Variants in ZZZ3 observed in about 807,000 individuals in gnomAD.
The protein encoded by ZZZ3 is zinc finger ZZ-type containing 3, also known as ZZ-type zinc finger-containing protein 3.
In ZZZ3, 22 loss-of-function variants were observed where a neutral mutation model predicts 95.2. That is an observed-to-expected ratio of 0.23 (90% confidence interval 0.17 to 0.33). The LOEUF (loss-of-function observed/expected upper bound fraction) is 0.33. Among genes scored for constraint, ZZZ3 ranks in the 10% least tolerant of loss-of-function variants. The probability of loss-of-function intolerance (pLI) is 1.00; values close to 1 mark genes in which losing one functional copy is unlikely to be tolerated. For synonymous variants in ZZZ3, 335 were observed against 358.9 expected, an observed-to-expected ratio of 0.93 and a Z score of 0.75; for missense variants, 885 against 1,066.5, an observed-to-expected ratio of 0.83 and a Z score of 2.37.
At chr1:77,597,629 C>T (rs1664337158) in intron 5 of ZZZ3, among the ~76,000 whole-genome samples, 1 of 151,964 alleles carries the variant, frequency 6.6e-6, no homozygotes, top group Non-Finnish European at 1.5e-5. Context: ...TTTCAAAAAC[C>T]CATAACCCCA....
intron 5 of ZZZ3, among the ~76,000 whole-genome samples, chr1:77,617,677 G>T (rs1216892822): frequency 6.6e-6 from 1 of 151,732 alleles, no homozygotes; most frequent in Non-Finnish European, 1.5e-5. Context: ...GGTGGCTCAT[G>T]CCTGTAATCC....
chr1:77,627,659 A>ACT (rs1261227684), intron 5 of ZZZ3, among the ~76,000 whole-genome samples: 1 of 152,214 alleles, frequency 6.6e-6, no homozygotes, highest in Non-Finnish European at 1.5e-5. Context: ...CTTAAACGTG[A>ACT]CTTGAAAATA....
chr1:77,653,237 T>TA (rs1669966485), intron 1 of ZZZ3, among the ~76,000 whole-genome samples: 1 of 151,788 alleles, frequency 6.6e-6, no homozygotes, highest in South Asian at 2.1e-4. Flanking sequence ...GGCAAATCCA[T>TA]AGAGACAAAA....
intron 5 of ZZZ3, among the ~76,000 whole-genome samples, chr1:77,589,860 G>A (rs539400744): frequency 6.6e-6 from 1 of 152,234 alleles, no homozygotes; most frequent in African/African-American, 2.4e-5. Context: ...GCACAGACAG[G>A]CAGACAGAAA....
At chr1:77,574,137 CATATAGATATATATAGATTTAT>C (rs1461684305) in intron 12 of ZZZ3, among the ~76,000 whole-genome samples, 36 of 147,278 alleles carry the variant, frequency 2.4e-4, no homozygotes, top group South Asian at 8.4e-4. Flanking sequence ...GATAGATTTA[CATATAGATATATATAGATTTAT>C]ATATAGATAT....
intron 1 of ZZZ3, among the ~76,000 whole-genome samples, chr1:77,679,648 C>T (rs1672572108): frequency 6.6e-6 from 1 of 152,198 alleles, no homozygotes; most frequent in Non-Finnish European, 1.5e-5. Flanking sequence ...AAGGAAAAAA[C>T]TCAAGTGAGA....
Position 77,564,626 on chromosome 1 carries a change from CACA to C in ZZZ3, c.*1011_*1013del, listed in dbSNP as rs1383626036. 6.6e-6 allele frequency: 1 copy of C among 152,562 alleles called. No homozygotes were observed. The highest frequency in any genetic ancestry group is 1.5e-5 in the Non-Finnish European group (1 of 67,998). 9.5% of individuals were successfully genotyped at this position (152,562 alleles called of 1,614,324 possible). ...AACATACAAAATGTTTTAAATGATG[CACA>C]ACAAAATCCAGCAGTATAAAAGAAT... is the stretch of plus-strand genomic sequence containing the variant. On this transcript the variant is annotated 3_prime_UTR_variant, in exon 15 of 15. Transcript: ENST00000370801.
upstream of ZZZ3, among the ~76,000 whole-genome samples, chr1:77,682,938 C>T (rs531769484): frequency 1.3e-5 from 2 of 152,190 alleles, no homozygotes; most frequent in African/African-American, 4.8e-5. Flanking sequence ...CTGCCCCAGG[C>T]AGCCTCCCTG....
chr1:77,620,183 G>A (rs1345641886), intron 5 of ZZZ3, among the ~76,000 whole-genome samples: 1 of 152,156 alleles, frequency 6.6e-6, no homozygotes, highest in East Asian at 1.9e-4. Flanking sequence ...AGGTAGAGCA[G>A]GCAGTTAGGC....
intron 1 of ZZZ3, among the ~76,000 whole-genome samples, chr1:77,657,322 C>T (rs1349819341): frequency 1.3e-5 from 2 of 152,170 alleles, no homozygotes; most frequent in African/African-American, 4.8e-5. Context: ...ACACGGAACT[C>T]ACAGTCAACA....
At position 77,632,251 on chromosome 1, in the gene ZZZ3, T is replaced by C. The variant is rs1163424818; in HGVS notation, c.1104A>G (p.Leu368=). 1.2e-6 allele frequency: 2 copies of C among 1,614,094 alleles called. No individual in the cohort carries two copies. The highest frequency in any genetic ancestry group is 1.7e-6 in the Non-Finnish European group (2 of 1,180,012). The part of the protein sequence containing the change: ...LDCVSAQMMS[L]SEPQEHRYTL... ...TATAACGATGTTCTTGAGGTTCTGA[T>C]AAAGACATCATTTGAGCTGAAACAC... The change falls in exon 5 of 15, where the codon TTA becomes TTG. Residue 368 remains leucine, a synonymous_variant. Coordinates refer to ENST00000370801, the MANE Select transcript of ZZZ3 (RefSeq NM_015534.6).
intron 8 of ZZZ3, 63 bp downstream of exon 8, chr1:77,581,704 CAAACCAGCA>C: frequency 8.0e-7 from 1 of 1,243,410 alleles, no homozygotes. Context: ...TTTAAGAACA[CAAACCAGCA>C]AAATGTTAAA....
intron 1 of ZZZ3, among the ~76,000 whole-genome samples, chr1:77,680,752 C>A (rs1164993011): frequency 6.6e-6 from 1 of 152,004 alleles, no homozygotes; most frequent in Non-Finnish European, 1.5e-5. Context: ...ACTTTTAAAA[C>A]GTCTGAAAAA....
chr1:77,617,258 A>C (rs1666405445), intron 5 of ZZZ3, among the ~76,000 whole-genome samples: 1 of 152,106 alleles, frequency 6.6e-6, no homozygotes, highest in Non-Finnish European at 1.5e-5. Flanking sequence ...ATCACCCCAA[A>C]AGGAAATCCT....
intron 5 of ZZZ3, among the ~76,000 whole-genome samples, chr1:77,615,345 A>G (rs888350742): frequency 2.6e-5 from 4 of 152,266 alleles, no homozygotes; most frequent in Non-Finnish European, 5.9e-5. Flanking sequence ...AATATTCTGA[A>G]TCTTTAAACA....
At chr1:77,581,591 G>C (rs1490072846) in intron 8 of ZZZ3, among the ~76,000 whole-genome samples, 185 bp downstream of exon 8, 2 of 152,214 alleles carry the variant, frequency 1.3e-5, no homozygotes, top group Admixed American at 1.3e-4. Flanking sequence ...CAACGTAAAT[G>C]ATGTCTGAAG....
chr1:77,605,184 T>A (rs371212963), intron 5 of ZZZ3, among the ~76,000 whole-genome samples: 1 of 151,944 alleles, frequency 6.6e-6, no homozygotes, highest in South Asian at 2.1e-4. Flanking sequence ...CCCTTCCCTA[T>A]CCCCCAGCAG....
intron 5 of ZZZ3, among the ~76,000 whole-genome samples, chr1:77,599,451 A>T (rs1664529032): frequency 1.3e-5 from 2 of 152,058 alleles, no homozygotes; most frequent in Admixed American, 6.6e-5. Context: ...TGACATAAAC[A>T]AAATTCAGAA....
intron 13 of ZZZ3, among the ~76,000 whole-genome samples, 161 bp from the exon 14 acceptor site, chr1:77,566,342 T>A (rs1660826426): frequency 6.6e-6 from 1 of 152,228 alleles, no homozygotes; most frequent in Admixed American, 6.5e-5. Context: ...TAGAGACAAT[T>A]TCTAGCAAAC....
Sources: allele counts gnomAD v4.1 joint callset (sites outside exome capture counted in the v4.1 genomes callset), GRCh38; gene constraint gnomAD v4.1.1; transcripts MANE v1.5; gene names NCBI Gene and HGNC (gene_info 2026-07-23, HGNC 2026-07-21).